Variants in MAGI2 observed in about 807,000 individuals in gnomAD.
MAGI2 encodes the protein membrane-associated guanylate kinase, WW and PDZ domain-containing protein 2.
In MAGI2, 35 loss-of-function variants were observed where a neutral mutation model predicts 133.3. The ratio of observed to expected loss-of-function variants is 0.26; its 90% CI spans 0.20 to 0.35. The LOEUF (loss-of-function observed/expected upper bound fraction) is 0.35. Among genes scored for constraint, MAGI2 ranks in the 10% least tolerant of loss-of-function variants. MAGI2 has a pLI of 1.00. For synonymous variants in MAGI2, 729 were observed against 710.6 expected (o/e 1.03, Z -0.41); for missense variants, 1,636 against 1,863.4 (o/e 0.88, Z 2.25).
intron 1 of MAGI2, among the ~76,000 whole-genome samples, chr7:79,090,950 T>C (rs190562574): frequency 6.6e-4 from 100 of 152,224 alleles, no homozygotes; most frequent in African/African-American, 2.2e-3. Flanking sequence ...GCACCTAGTT[T>C]GTCTTCTTAC....
intron 2 of MAGI2, among the ~76,000 whole-genome samples, chr7:78,869,137 T>C (rs1195173614): frequency 1.3e-5 from 2 of 152,240 alleles, no homozygotes; most frequent in African/African-American, 2.4e-5. Context: ...TTTTGGCTAT[T>C]AGTCCTTTGT....
chr7:79,399,962 G>A (rs937994038), intron 1 of MAGI2, among the ~76,000 whole-genome samples: 8 of 152,120 alleles, frequency 5.3e-5, no homozygotes. Flanking sequence ...TATTTTAGTC[G>A]CATATATTTG....
At chr7:78,482,903 A>C (rs927311908) in intron 6 of MAGI2, among the ~76,000 whole-genome samples, 8 of 134,734 alleles carry the variant, frequency 5.9e-5, no homozygotes, top group Non-Finnish European at 7.5e-5. Context: ...ACACACACAC[A>C]CACACACACA....
chr7:79,255,552 C>T (rs866301427), intron 1 of MAGI2, among the ~76,000 whole-genome samples: 3 of 152,026 alleles, frequency 2.0e-5, no homozygotes, highest in East Asian at 3.8e-4. Context: ...CTTCGCAATT[C>T]GCACAATGAG....
chr7:78,729,565 G>A (rs112416839), intron 2 of MAGI2, among the ~76,000 whole-genome samples: 16 of 152,316 alleles, frequency 1.1e-4, no homozygotes, highest in African/African-American at 3.8e-4. Context: ...AACACAGTAT[G>A]TTCTAGCTGT....
intron 2 of MAGI2, among the ~76,000 whole-genome samples, chr7:78,753,339 T>G (rs1823631364): frequency 6.6e-6 from 1 of 152,080 alleles, no homozygotes; most frequent in Admixed American, 6.6e-5. Flanking sequence ...AAAAATTTGC[T>G]AGCTGGGCTT....
At chr7:79,370,464 T>A (rs1401229078) in intron 1 of MAGI2, among the ~76,000 whole-genome samples, 1 of 152,126 alleles carries the variant, frequency 6.6e-6, no homozygotes, top group African/African-American at 2.4e-5. Context: ...CATGTCTTAC[T>A]CATTTTGAAT....
intron 1 of MAGI2, among the ~76,000 whole-genome samples, chr7:79,047,454 CTAT>C (rs1169456627): frequency 2.0e-5 from 3 of 152,136 alleles, no homozygotes; most frequent in Admixed American, 2.0e-4. Context: ...TATTGACCTA[CTAT>C]TATGGAAATA....
At chr7:78,353,237 A>G (rs1201825364) in intron 7 of MAGI2, among the ~76,000 whole-genome samples, 1 of 152,238 alleles carries the variant, frequency 6.6e-6, no homozygotes, top group Non-Finnish European at 1.5e-5. Flanking sequence ...TGTATTAGAG[A>G]CAAGACTAAT....
chr7:78,640,410 T>C (rs894880446), intron 2 of MAGI2, among the ~76,000 whole-genome samples: 1 of 152,150 alleles, frequency 6.6e-6, no homozygotes, highest in Non-Finnish European at 1.5e-5. Context: ...ATTAAAAATA[T>C]AAAAGAAAAT....
intron 1 of MAGI2, among the ~76,000 whole-genome samples, chr7:79,079,366 T>A (rs1410703385): frequency 6.6e-6 from 1 of 152,190 alleles, no homozygotes; most frequent in Non-Finnish European, 1.5e-5. Context: ...ATATACAGTT[T>A]AAGAGGAAAC....
rs554980644 is a variant in MAGI2, at chr7:78,236,356, T to C, written c.2047+19587A>G. ...AGAAAAATAGTTTTGTTCATTTTTA[T>C]ACACTCAGCTGCATTATTTGACTCA... On this transcript the variant is annotated intron_variant, in intron 10 of 21. Transcript: ENST00000354212. Among the ~76,000 whole-genome samples the C allele has an allele frequency of 2.4e-4, 36 of 152,302 alleles. 1 individual carries two copies. In the South Asian group the frequency reaches 6.4e-3, roughly 27 times the overall value.
chr7:78,108,459 T>C (rs1234300596), intron 20 of MAGI2, among the ~76,000 whole-genome samples: 3 of 152,246 alleles, frequency 2.0e-5, no homozygotes, highest in Admixed American at 6.5e-5. Context: ...AGCTGTCAGA[T>C]GAAGTCTTCT....
At chr7:78,201,297 A>G (rs557988354) in intron 10 of MAGI2, 104 bp from the exon 11 acceptor site, 419 of 550,612 alleles carry the variant, frequency 7.6e-4, no homozygotes, top group Non-Finnish European at 1.1e-3. Flanking sequence ...ATTAGTTAAC[A>G]GCGAACAATA....
intron 9 of MAGI2, among the ~76,000 whole-genome samples, chr7:78,327,062 G>A (rs910770216): frequency 9.9e-5 from 15 of 152,100 alleles, no homozygotes; most frequent in African/African-American, 3.4e-4. Context: ...TTCTTCCTCC[G>A]GCCAGTGTAA....
chr7:78,333,768 C>T (rs1260376018), intron 9 of MAGI2, among the ~76,000 whole-genome samples: 1 of 152,208 alleles, frequency 6.6e-6, no homozygotes, highest in Non-Finnish European at 1.5e-5. Flanking sequence ...CCTGCGCATG[C>T]TAGCCCCAGG....
chr7:78,475,587 G>A (rs900893157), intron 6 of MAGI2, among the ~76,000 whole-genome samples: 1 of 151,888 alleles, frequency 6.6e-6, no homozygotes, highest in African/African-American at 2.4e-5. Flanking sequence ...AGAAGATGGA[G>A]TGAACTGAAA....
chr7:78,384,204 T>C (rs929829390), intron 6 of MAGI2, among the ~76,000 whole-genome samples: 7 of 152,158 alleles, frequency 4.6e-5, no homozygotes, highest in Non-Finnish European at 8.8e-5. Context: ...ATTTTACCAA[T>C]GGCATTACCT....
At chr7:78,636,935 G>A (rs1809726141) in intron 2 of MAGI2, among the ~76,000 whole-genome samples, 1 of 152,176 alleles carries the variant, frequency 6.6e-6, no homozygotes, top group Non-Finnish European at 1.5e-5. Flanking sequence ...ACCCTGCTGC[G>A]GTGGGGCCTG....
Sources: allele counts gnomAD v4.1 joint callset (sites outside exome capture counted in the v4.1 genomes callset), GRCh38; gene constraint gnomAD v4.1.1; transcripts MANE v1.5; gene names NCBI Gene and HGNC (gene_info 2026-07-23, HGNC 2026-07-21).